Variants in COL14A1 observed in about 807,000 individuals in gnomAD.
COL14A1 encodes collagen alpha-1(XIV) chain.
Under a neutral mutation model 230.3 loss-of-function variants are expected in COL14A1, and 136 were observed. The observed-to-expected ratio is 0.59, with a 90% CI of 0.51 to 0.68. COL14A1 has a LOEUF of 0.68. Ranked by LOEUF, COL14A1 falls within the 30% of genes least tolerant of loss-of-function variation. The pLI, the probability that COL14A1 is intolerant of heterozygous loss-of-function variation, is 0.00. For synonymous variants in COL14A1, 792 were observed against 784.1 expected, an observed-to-expected ratio of 1.01 and a Z score of -0.17; for missense variants, 1,976 against 2,215.8, an observed-to-expected ratio of 0.89 and a Z score of 2.17.
At chr8:120,171,484 T>C (rs1454252465) in intron 5 of COL14A1, among the ~76,000 whole-genome samples, 1 of 152,206 alleles carries the variant, frequency 6.6e-6, no homozygotes, top group Non-Finnish European at 1.5e-5. Context: ...CAGTCACTAT[T>C]GAGAGATTAG....
intron 26 of COL14A1, among the ~76,000 whole-genome samples, chr8:120,275,930 T>TA (rs1449954156): frequency 6.6e-6 from 1 of 151,832 alleles, no homozygotes; most frequent in Non-Finnish European, 1.5e-5. Context: ...GGAGATTTCT[T>TA]AAAGAACTAA....
At chr8:120,308,262 G>A (rs539208019) in intron 36 of COL14A1, among the ~76,000 whole-genome samples, 48 of 152,340 alleles carry the variant, frequency 3.2e-4, no homozygotes, top group South Asian at 6.2e-4. Context: ...GATTACAGGC[G>A]TGAGCCAGTG....
chr8:120,218,329 A>C (rs1199938931), intron 14 of COL14A1, among the ~76,000 whole-genome samples: 1 of 147,550 alleles, frequency 6.8e-6, no homozygotes, highest in African/African-American at 2.5e-5. Context: ...TACATATTTG[A>C]GATGGAGTCT....
chr8:120,285,189 C>T (rs7844156), intron 32 of COL14A1, among the ~76,000 whole-genome samples: 4,079 of 151,582 alleles, frequency 0.027, 185 homozygotes, highest in African/African-American at 0.093. Context: ...CACGGTGGCT[C>T]ACGCCTGTAA....
chr8:120,202,840 A>G (rs527297975), intron 8 of COL14A1, among the ~76,000 whole-genome samples: 6 of 151,974 alleles, frequency 3.9e-5, no homozygotes, highest in Middle Eastern at 3.4e-3. Context: ...CATGGTATTC[A>G]GTAGATACTG....
chr8:120,305,482 A>G (rs115424416), intron 36 of COL14A1, among the ~76,000 whole-genome samples: 2,724 of 152,238 alleles, frequency 0.018, 89 homozygotes, highest in African/African-American at 0.061. Flanking sequence ...AATTTGTAAC[A>G]TATATTTTCT....
At chr8:120,185,874 G>T (rs1816636067) in intron 5 of COL14A1, among the ~76,000 whole-genome samples, 1 of 152,122 alleles carries the variant, frequency 6.6e-6, no homozygotes, top group African/African-American at 2.4e-5. Flanking sequence ...CTGGGTTCAA[G>T]CAATTCTCCT....
At chr8:120,173,564 C>CATCTATCTATCTATCT (rs71306871) in intron 5 of COL14A1, among the ~76,000 whole-genome samples, 2,293 of 149,268 alleles carry the variant, frequency 0.015, 32 homozygotes, top group African/African-American at 0.026. Context: ...AGCAATCAAT[C>CATCTATCTATCTATCT]ATCTATCTAT....
intron 26 of COL14A1, among the ~76,000 whole-genome samples, chr8:120,273,248 T>C (rs1819730399): frequency 6.6e-6 from 1 of 151,656 alleles, no homozygotes; most frequent in Non-Finnish European, 1.5e-5. Flanking sequence ...GAATGAAAGA[T>C]AATACTTACA....
At position 120,147,892 on chromosome 8, in the gene COL14A1, T is replaced by G; in HGVS notation, c.50T>G (p.Leu17Trp). ...KMRYWLLPPF[L>W]AIVYFCTIVQ... ...CGGTACTGGTTGCTTCCACCTTTTTTGGCAATTGTTTATTTCTGCACCATT... is the reference window on the plus strand; with the variant it reads ...CGGTACTGGTTGCTTCCACCTTTTTGGGCAATTGTTTATTTCTGCACCATT... The change falls in exon 2 of 48, where the codon TTG becomes TGG. Residue 17 changes from leucine (L) to tryptophan (W), a missense_variant. By Grantham distance (61) the Leu-to-Trp change is moderately conservative. Around this residue, in one of 3 missense-constraint regions of COL14A1, gnomAD observed 181 missense variants for 178.6 expected, o/e 1.01. Transcript: ENST00000297848. The G allele has an allele frequency of 6.2e-7, 1 of 1,614,062 alleles. No homozygotes were observed. Among genetic ancestry groups the G allele is most frequent in the Non-Finnish European group, 8.5e-7 (1 of 1,179,958 alleles).
intron 5 of COL14A1, among the ~76,000 whole-genome samples, chr8:120,193,331 C>T (rs192435071): frequency 2.2e-4 from 33 of 152,288 alleles, no homozygotes; most frequent in Admixed American, 1.3e-3. Flanking sequence ...TGTTTGCCTG[C>T]GTATCAGCAA....
rs1405608140 is a variant in COL14A1 at position 120,280,071 on chromosome 8, T to G, written c.3618T>G (p.Ile1206Met). 3.7e-6 allele frequency: 6 copies of G among 1,613,674 alleles called. No homozygotes were observed. Among genetic ancestry groups the G allele is most frequent in the Non-Finnish European group, 5.1e-6 (6 of 1,179,786 alleles). The change falls in exon 29 of 48, where the codon ATT (isoleucine) becomes ATG (methionine). Residue 1206 changes from isoleucine to methionine, a missense_variant. Transcript: ENST00000297848. ...TTAAGAAAATCGAAGATGAGTTAAT[T>G]ACTTTTGTCTGCGAAACAGCATCAG... ...DAFKKIEDELITFVCETASAT... is the reference protein window; with the variant it reads ...DAFKKIEDELMTFVCETASAT...
intron 5 of COL14A1, among the ~76,000 whole-genome samples, chr8:120,183,058 G>T (rs906798966): frequency 6.6e-5 from 10 of 152,090 alleles, no homozygotes; most frequent in African/African-American, 2.2e-4. Flanking sequence ...ATATATAAAA[G>T]GATCACATAT....
intron 13 of COL14A1, among the ~76,000 whole-genome samples, chr8:120,215,436 AAAAAG>A (rs796590411): frequency 7.9e-4 from 120 of 152,068 alleles, no homozygotes; most frequent in African/African-American, 2.7e-3. Context: ...AGGGAGGGGA[AAAAAG>A]AAAAGAAAAG....
At chr8:120,341,427 T>C in intron 43 of COL14A1, 67 bp downstream of exon 43, 1 of 1,494,812 alleles carries the variant, frequency 6.7e-7, no homozygotes, top group East Asian at 2.3e-5. Context: ...ATAAGCCTGA[T>C]AAAGGATCAT....
intron 38 of COL14A1, 143 bp from the exon 39 acceptor site, chr8:120,315,390 A>G (rs990004710): frequency 2.9e-6 from 1 of 346,578 alleles, no homozygotes; most frequent in African/African-American, 2.5e-5. Flanking sequence ...AAAAAAAAAA[A>G]AAAGTGTATA....
At chr8:120,317,217 G>A (rs1056042850) in intron 40 of COL14A1, among the ~76,000 whole-genome samples, 14 of 152,290 alleles carry the variant, frequency 9.2e-5, no homozygotes, top group African/African-American at 3.4e-4. Context: ...GCAAACAATT[G>A]ACTTGAGCAC....
At chr8:120,173,217 G>A (rs1034390530) in intron 5 of COL14A1, among the ~76,000 whole-genome samples, 1 of 151,988 alleles carries the variant, frequency 6.6e-6, no homozygotes, top group Non-Finnish European at 1.5e-5. Context: ...TATTTGAGTG[G>A]ATTATAATCC....
At chr8:120,360,917 G>A (rs560297385) in intron 45 of COL14A1, among the ~76,000 whole-genome samples, 4 of 152,086 alleles carry the variant, frequency 2.6e-5, no homozygotes, top group African/African-American at 4.8e-5. Context: ...AGATTGGAGG[G>A]TACAAAGAAG....
Sources: allele counts gnomAD v4.1 joint callset (sites outside exome capture counted in the v4.1 genomes callset), GRCh38; gene constraint gnomAD v4.1.1; regional missense constraint gnomAD v4.1.1; transcripts MANE v1.5; gene names NCBI Gene and HGNC (gene_info 2026-07-23, HGNC 2026-07-21).